Variants in FMNL2 observed in about 807,000 individuals in gnomAD.
The protein encoded by FMNL2 is formin like 2, also known as formin-like protein 2.
In FMNL2, 51 loss-of-function variants were observed where a neutral mutation model predicts 130.2. The ratio of observed to expected loss-of-function variants is 0.39; its 90% CI spans 0.31 to 0.49. The LOEUF is 0.49. Ranked by LOEUF, FMNL2 falls within the 20% of genes least tolerant of loss-of-function variation. The probability of loss-of-function intolerance (pLI) is 0.85; values close to 1 mark genes in which losing one functional copy is unlikely to be tolerated. For missense variants in FMNL2, 977 were observed against 1,316.2 expected (o/e 0.74, Z 3.99); for synonymous variants, 465 against 467.1 (o/e 1.00, Z 0.06).
At chr2:152,547,453 C>T (rs764216631) in intron 3 of FMNL2, among the ~76,000 whole-genome samples, 4 of 152,192 alleles carry the variant, frequency 2.6e-5, no homozygotes, top group Non-Finnish European at 5.9e-5. Flanking sequence ...ATTCTGGAAA[C>T]CTGACATGGT....
At chr2:152,396,080 CTTG>C (rs1361909302) in intron 1 of FMNL2, among the ~76,000 whole-genome samples, 6 of 152,280 alleles carry the variant, frequency 3.9e-5, no homozygotes, top group East Asian at 1.9e-4. Context: ...AAATGTAAGT[CTTG>C]TTGTTTAATC....
chr2:152,442,520 A>T (rs970287247), intron 1 of FMNL2, among the ~76,000 whole-genome samples: 1 of 151,972 alleles, frequency 6.6e-6, no homozygotes, highest in African/African-American at 2.4e-5. Context: ...AAGTGCTGGG[A>T]TTACAGGCGT....
In FMNL2 at chr2:152,624,076, CTCAAT is replaced by C. The variant is rs1262413143; in HGVS notation, c.1838-1359_1838-1355del. ...CTCCCCTCCCCTCCCCTCCCCTCCACTCAATTCCCTTCGCCTCCCCTCCCCTCCCT... is the reference window on the plus strand; with the variant it reads ...CTCCCCTCCCCTCCCCTCCCCTCCACTCCCTTCGCCTCCCCTCCCCTCCCT... On this transcript the variant is annotated intron_variant, in intron 15 of 25. Transcript: ENST00000288670. Among the ~76,000 whole-genome samples the C allele has an allele frequency of 4.7e-3, 8 of 1,692 alleles. 2 individuals carry two copies. The highest frequency in any genetic ancestry group is 6.6e-3 in the Non-Finnish European group (6 of 916). The allele number at this position is 1,692 out of a possible 152,430, so 1.1% of individuals were successfully genotyped here. A position where few individuals can be genotyped will look rare whatever the true frequency, so the allele number is the denominator to read the frequency against.
At chr2:152,526,446 A>C (rs895263565) in intron 2 of FMNL2, among the ~76,000 whole-genome samples, 1 of 152,112 alleles carries the variant, frequency 6.6e-6, no homozygotes, top group African/African-American at 2.4e-5. Flanking sequence ...CCTGTTTCCC[A>C]AGTTCCAGGC....
At chr2:152,588,097 T>C (rs1178894910) in intron 9 of FMNL2, among the ~76,000 whole-genome samples, 1 of 152,216 alleles carries the variant, frequency 6.6e-6, no homozygotes, top group Non-Finnish European at 1.5e-5. Flanking sequence ...AACAAATGAC[T>C]ACAAACTTAG....
intron 2 of FMNL2, among the ~76,000 whole-genome samples, chr2:152,524,761 G>A (rs1693291280): frequency 6.6e-6 from 1 of 152,158 alleles, no homozygotes; most frequent in African/African-American, 2.4e-5. Context: ...TGGTTTTGGA[G>A]CTTTGGCCAT....
intron 4 of FMNL2, among the ~76,000 whole-genome samples, chr2:152,557,732 C>T (rs1246727443): frequency 6.6e-6 from 1 of 152,216 alleles, no homozygotes; most frequent in African/African-American, 2.4e-5. Context: ...ACAAAACTGG[C>T]TTCCATAGTC....
chr2:152,441,579 G>A (rs13026712), intron 1 of FMNL2, among the ~76,000 whole-genome samples: 5,643 of 151,968 alleles, frequency 0.037, 290 homozygotes, highest in African/African-American at 0.11. Flanking sequence ...GTTCATGCCT[G>A]TAATCCCAGC....
chr2:152,626,436 A>G, intron 16 of FMNL2, 89 bp from the exon 17 acceptor site: 1 of 1,068,944 alleles, frequency 9.4e-7, no homozygotes, highest in Non-Finnish European at 1.4e-6. Context: ...AGAAAAAGTG[A>G]CGTTTTTGCT....
chr2:152,438,187 A>G (rs1333040627), intron 1 of FMNL2, among the ~76,000 whole-genome samples: 1 of 152,250 alleles, frequency 6.6e-6, no homozygotes, highest in African/African-American at 2.4e-5. Flanking sequence ...GCATTAGAGA[A>G]TATAAGAAGG....
At chr2:152,465,447 C>T (rs1221277922) in intron 1 of FMNL2, among the ~76,000 whole-genome samples, 1 of 152,150 alleles carries the variant, frequency 6.6e-6, no homozygotes, top group Non-Finnish European at 1.5e-5. Context: ...TAAAGTGGGA[C>T]AAAGGCACAG....
In FMNL2 at chr2:152,533,119, T is replaced by C. The variant is rs569365260; in HGVS notation, c.202-9620T>C. Among the ~76,000 whole-genome samples, 3 of 152,362 alleles carry C rather than the reference T, an allele frequency of 2.0e-5. No individual in the cohort carries two copies. The South Asian group carries it at 6.2e-4, about 32-fold the overall frequency. Reference sequence around the variant, plus strand: ...TATTTTTTAAGTGGCTCTTGCATTTTGTTTCCTAAGAAATTTTTTGTCTAC... The same window carrying C: ...TATTTTTTAAGTGGCTCTTGCATTTCGTTTCCTAAGAAATTTTTTGTCTAC... On this transcript the variant is annotated intron_variant, in intron 2 of 25. Transcript: ENST00000288670.
chr2:152,371,989 T>C (rs1221579198), intron 1 of FMNL2, among the ~76,000 whole-genome samples: 1 of 152,168 alleles, frequency 6.6e-6, no homozygotes. Context: ...TTCCCTTTCT[T>C]TATAAATTAC....
chr2:152,476,047 G>C (rs967115359), intron 1 of FMNL2, among the ~76,000 whole-genome samples: 1 of 152,160 alleles, frequency 6.6e-6, no homozygotes, highest in Non-Finnish European at 1.5e-5. Flanking sequence ...TATGGTTTTA[G>C]GGTGAGGGTG....
chr2:152,469,533 T>G (rs1183672747), intron 1 of FMNL2, among the ~76,000 whole-genome samples: 1 of 152,238 alleles, frequency 6.6e-6, no homozygotes, highest in Non-Finnish European at 1.5e-5. Flanking sequence ...TTCTGCATGT[T>G]GCCTGAGCCT....
intron 6 of FMNL2, among the ~76,000 whole-genome samples, chr2:152,562,108 A>G (rs2105606222): frequency 6.6e-6 from 1 of 152,220 alleles, no homozygotes; most frequent in East Asian, 1.9e-4. Flanking sequence ...TGGTGGATAA[A>G]TCAAACTCCT....
chr2:152,509,765 A>ATTTTTT (rs1403743354), intron 1 of FMNL2, among the ~76,000 whole-genome samples: 1 of 3,978 alleles, frequency 2.5e-4, no homozygotes, highest in African/African-American at 5.1e-4. Flanking sequence ...TTTTTTTTTG[A>ATTTTTT]GAGAGGGTCT....
Position 152,414,706 on chromosome 2 carries a change from G to A in FMNL2, c.117+78986G>A, listed in dbSNP as rs1004266842. On this transcript the variant is annotated intron_variant, in intron 1 of 25. Transcript: ENST00000288670. ...CTGGAGAGTTCGAGCTGGAGAGTTC[G>A]AGGCCATTTTAGGTAAGCTCAAGTC... is the stretch of plus-strand genomic sequence containing the variant. 3.3e-5 allele frequency among the ~76,000 whole-genome samples: 5 copies of A among 152,120 alleles called. No individual in the cohort carries two copies. The East Asian group carries it at 7.7e-4, about 23-fold the overall frequency.
At chr2:152,612,726 A>G (rs559936196) in intron 11 of FMNL2, among the ~76,000 whole-genome samples, 2 of 152,178 alleles carry the variant, frequency 1.3e-5, no homozygotes, top group Non-Finnish European at 1.5e-5. Context: ...AGCGATTCTC[A>G]TGCCTCAGCC....
Sources: gnomAD v4.1 joint callset for allele counts (sites outside exome capture counted in the v4.1 genomes callset) on GRCh38, gnomAD v4.1.1 for gene constraint, MANE v1.5 for transcripts, NCBI Gene and HGNC (gene_info 2026-07-23, HGNC 2026-07-21) for gene names.